STPG2: variants seen among roughly 807,000 people sequenced by gnomAD.
STPG2 encodes the protein sperm-tail PG-rich repeat-containing protein 2.
STPG2 carries 56 observed loss-of-function variants against 54.2 expected under a neutral mutation model. The ratio of observed to expected loss-of-function variants is 1.03; its 90% CI spans 0.83 to 1.29. The LOEUF (loss-of-function observed/expected upper bound fraction) is 1.29, where lower values mean the gene tolerates loss of function less well. Ranked by LOEUF, STPG2 falls within the 50% of genes most tolerant of loss-of-function variation. The pLI, the probability that STPG2 is intolerant of heterozygous loss-of-function variation, is 0.00. For missense variants in STPG2, 596 were observed against 544.9 expected, an observed-to-expected ratio of 1.09 and a Z score of -0.93; for synonymous variants, 200 against 181.8, an observed-to-expected ratio of 1.10 and a Z score of -0.81.
rs767313814 is a variant in STPG2 at position 98,143,090 on chromosome 4, C to G, written c.61G>C (p.Val21Leu). 5.6e-6 allele frequency: 9 copies of G among 1,613,860 alleles called. No homozygotes were observed. The highest frequency in any genetic ancestry group is 7.6e-6 in the Non-Finnish European group (9 of 1,179,948). The part of the protein sequence containing the change: ...LAEGGSTEAH[V>L]GPGSYQVPFL... ...GGTACCTGGTAGGATCCAGGACCCA[C>G]ATGGGCCTCAGTGCTGCCACCTTCA... The change falls in exon 1 of 11, where the codon GTG becomes CTG. Residue 21 changes from valine (V) to leucine (L), a missense_variant. By Grantham distance (32) the Val-to-Leu change is conservative (BLOSUM62 1). Coordinates refer to ENST00000295268, the MANE Select transcript of STPG2 (RefSeq NM_174952.3).
chr4:98,037,060 A>G (rs370435191), intron 5 of STPG2, among the ~76,000 whole-genome samples: 3 of 152,154 alleles, frequency 2.0e-5, no homozygotes, highest in African/African-American at 7.2e-5. Context: ...TATCTCTCCC[A>G]AGAAGAAACA....
intron 9 of STPG2, among the ~76,000 whole-genome samples, chr4:97,818,010 G>A (rs1290633709): frequency 6.6e-6 from 1 of 151,092 alleles, no homozygotes; most frequent in Non-Finnish European, 1.5e-5. Context: ...AGTTTTTTTG[G>A]CCATTTCCTT....
intron 9 of STPG2, among the ~76,000 whole-genome samples, chr4:97,797,585 T>A (rs1727238930): frequency 6.6e-6 from 1 of 152,226 alleles, no homozygotes; most frequent in Admixed American, 6.5e-5. Context: ...CTGGATTTGG[T>A]TAGCCAGTGT....
intron 9 of STPG2, among the ~76,000 whole-genome samples, chr4:97,792,201 G>A (rs1458449770): frequency 6.6e-6 from 1 of 152,106 alleles, no homozygotes; most frequent in Non-Finnish European, 1.5e-5. Flanking sequence ...TGTTTAAAAA[G>A]CTATAGTATA....
chr4:97,755,588 A>G (rs965790517), intron 9 of STPG2, among the ~76,000 whole-genome samples: 1 of 152,170 alleles, frequency 6.6e-6, no homozygotes, highest in Non-Finnish European at 1.5e-5. Context: ...TTTATTTGAT[A>G]TGTTTATAAA....
At chr4:97,585,500 C>T (rs1245638036) in intron 10 of STPG2, among the ~76,000 whole-genome samples, 2 of 151,898 alleles carry the variant, frequency 1.3e-5, no homozygotes, top group African/African-American at 4.8e-5. Flanking sequence ...CCCTCCCTTG[C>T]CCATCTAAAA....
intron 3 of STPG2, among the ~76,000 whole-genome samples, chr4:98,113,888 A>G (rs746371953): frequency 1.4e-4 from 22 of 152,052 alleles, no homozygotes; most frequent in Admixed American, 8.5e-4. Flanking sequence ...CAGACCATCC[A>G]AAGGCATTGG....
At chr4:97,863,727 G>A (rs1729650327) in intron 8 of STPG2, among the ~76,000 whole-genome samples, 2 of 152,144 alleles carry the variant, frequency 1.3e-5, no homozygotes, top group South Asian at 4.1e-4. Flanking sequence ...AAATCCAGCA[G>A]CACATCAAAA....
chr4:97,527,679 A>G (rs530680315), intron 4 of STPG2, among the ~76,000 whole-genome samples: 1 of 152,160 alleles, frequency 6.6e-6, no homozygotes, highest in South Asian at 2.1e-4. Flanking sequence ...TGACTTTTTA[A>G]TGATTACCAT....
chr4:98,109,279 G>A lies in STPG2; in HGVS notation c.414C>T (p.Tyr138=), dbSNP rs2110144059. 6.2e-7 allele frequency: 1 copy of A among 1,604,440 alleles called. No individual in the cohort carries two copies. Among genetic ancestry groups the A allele is most frequent in the Non-Finnish European group, 8.5e-7 (1 of 1,176,094 alleles). Residue 138 remains tyrosine, a synonymous_variant, in exon 4 of 11, where the codon TAC becomes TAT. Coordinates refer to ENST00000295268, the MANE Select transcript of STPG2 (RefSeq NM_174952.3). ...AAGAGTTGCCAAAATGTATACCTTTGTATTTCAAAGTTGCATTGGAAACAT... is the reference window on the plus strand; with the variant it reads ...AAGAGTTGCCAAAATGTATACCTTTATATTTCAAAGTTGCATTGGAAACAT... ...QFDVSNATLK[Y]KGIHFGNSSG... is the part of the protein sequence containing the mutation.
chr4:98,107,390 A>G (rs1358969217), intron 4 of STPG2, among the ~76,000 whole-genome samples: 3 of 152,150 alleles, frequency 2.0e-5, no homozygotes, highest in Non-Finnish European at 4.4e-5. Flanking sequence ...CAGCTAACTC[A>G]AAGAGCAAAC....
At chr4:98,091,292 C>T (rs1356486951) in intron 5 of STPG2, among the ~76,000 whole-genome samples, 2 of 151,994 alleles carry the variant, frequency 1.3e-5, no homozygotes, top group East Asian at 3.9e-4. Flanking sequence ...TAACAATTAC[C>T]TGTTCTAACT....
chr4:98,070,582 C>T (rs28587201), intron 5 of STPG2, among the ~76,000 whole-genome samples: 60,271 of 150,972 alleles, frequency 0.4, 12,275 homozygotes, highest in Middle Eastern at 0.47. Context: ...AAATTATCTT[C>T]GCAAATGACA....
At chr4:97,537,894 G>C (rs142277485) in intron 4 of STPG2, among the ~76,000 whole-genome samples, 5,380 of 152,188 alleles carry the variant, frequency 0.035, 319 homozygotes, top group African/African-American at 0.12. Context: ...AACAATATTC[G>C]CTGTTCTGCA....
intron 4 of STPG2, among the ~76,000 whole-genome samples, chr4:97,525,911 T>C (rs1193713478): frequency 6.6e-6 from 1 of 152,122 alleles, no homozygotes; most frequent in Non-Finnish European, 1.5e-5. Flanking sequence ...TTTTATGCAT[T>C]ATTTAAATTC....
chr4:97,635,366 G>T (rs1286017510), intron 10 of STPG2, among the ~76,000 whole-genome samples: 1 of 152,178 alleles, frequency 6.6e-6, no homozygotes, highest in Non-Finnish European at 1.5e-5. Flanking sequence ...GGAACAACTG[G>T]TACTAGCTGC....
intron 7 of STPG2, among the ~76,000 whole-genome samples, chr4:97,961,583 T>C (rs150976882): frequency 1.3e-5 from 2 of 152,016 alleles, no homozygotes; most frequent in South Asian, 2.1e-4. Flanking sequence ...GATATACAAA[T>C]AGCCAACAAA....
intron 7 of STPG2, among the ~76,000 whole-genome samples, chr4:97,961,797 C>T (rs528298035): frequency 2.8e-4 from 42 of 152,170 alleles, no homozygotes; most frequent in African/African-American, 9.4e-4. Context: ...AAAACATTAT[C>T]GAGATTTCAT....
At chr4:98,111,951 C>T (rs551046903) in intron 3 of STPG2, among the ~76,000 whole-genome samples, 7 of 152,018 alleles carry the variant, frequency 4.6e-5, no homozygotes, top group Non-Finnish European at 1.0e-4. Flanking sequence ...CCCTCAGGTT[C>T]TCAGGCTTTT....
Sources: allele counts gnomAD v4.1 joint callset (sites outside exome capture counted in the v4.1 genomes callset), GRCh38; gene constraint gnomAD v4.1.1; transcripts MANE v1.5; gene names NCBI Gene and HGNC (gene_info 2026-07-23, HGNC 2026-07-21).